The following MORN4 variants were observed in gnomAD, a reference collection of about 807,000 sequenced individuals.
The protein encoded by MORN4 is MORN repeat containing 4, also known as MORN repeat-containing protein 4.
Under a neutral mutation model 16.4 loss-of-function variants are expected in MORN4, and 8 were observed. That is an observed-to-expected ratio of 0.49 (90% CI 0.29 to 0.88). The LOEUF (loss-of-function observed/expected upper bound fraction) is 0.88. Among genes scored for constraint, MORN4 ranks in the 40% least tolerant of loss-of-function variants. The probability of loss-of-function intolerance (pLI) is 0.09; values close to 1 mark genes in which losing one functional copy is unlikely to be tolerated. For synonymous variants in MORN4, 53 were observed against 68.9 expected (o/e 0.77, Z 1.14); for missense variants, 159 against 182.9 (o/e 0.87, Z 0.75).
chr10:97,633,543 G>A (rs1228260470), upstream of MORN4: 1 of 1,289,736 alleles, frequency 7.8e-7, no homozygotes, highest in East Asian at 5.5e-5. This position sits in a 1 kb window ranked among gnomAD's most constrained non-coding sequence, Gnocchi z 4.5. Flanking sequence ...CTAGGCAACC[G>A]GGAGCAACGC....
At chr10:97,616,824 G>C (rs1436915764) in intron 3 of MORN4, 37 bp from the exon 4 acceptor site, 2 of 1,444,558 alleles carry the variant, frequency 1.4e-6, no homozygotes, top group African/African-American at 1.4e-5. Context: ...TCAGTGGAAA[G>C]TTAGCTGTCC....
intron 3 of MORN4, among the ~76,000 whole-genome samples, 176 bp from the exon 4 acceptor site, chr10:97,616,963 A>G (rs2041241761): frequency 6.6e-6 from 1 of 152,196 alleles, no homozygotes; most frequent in African/African-American, 2.4e-5. Flanking sequence ...ATATGACATG[A>G]AGCCCTGATC....
At position 97,615,011 on chromosome 10, in the gene MORN4, T is replaced by C. The variant is rs1265618485; in HGVS notation, c.*1252A>G. 6.6e-6 allele frequency: 1 copy of C among 152,612 alleles called. No homozygotes were observed. Among genetic ancestry groups the C allele is most frequent in the Non-Finnish European group, 1.5e-5 (1 of 68,038 alleles). 9.5% of individuals were successfully genotyped at this position (152,612 alleles called of 1,614,324 possible). On this transcript the variant is annotated 3_prime_UTR_variant, in exon 5 of 5. Transcript: ENST00000307450. ...ATTCTACCCTTTTCCCTGGAGTTAGTCACAAATACAAGTAATAAGATTACT... is the reference window on the plus strand; with the variant it reads ...ATTCTACCCTTTTCCCTGGAGTTAGCCACAAATACAAGTAATAAGATTACT...
In MORN4 at chr10:97,616,162, C is replaced by A; in HGVS notation, c.*101G>T. 1 of 1,279,224 alleles carries A rather than the reference C, an allele frequency of 7.8e-7. No individual in the cohort carries two copies. The highest frequency in any genetic ancestry group is 1.6e-5 in the South Asian group (1 of 61,272). 79.2% of individuals were successfully genotyped at this position (1,279,224 alleles called of 1,614,324 possible). A position where few individuals can be genotyped will look rare whatever the true frequency, so the allele number is the denominator to read the frequency against. On this transcript the variant is annotated 3_prime_UTR_variant, in exon 5 of 5. Coordinates refer to ENST00000307450, the MANE Select transcript of MORN4 (RefSeq NM_178832.4). ...ACATACAAGGCCTCTGCTCCACTGTCATTGTCAACTCATCTCAGCTCTGAT... is the reference window on the plus strand; with the variant it reads ...ACATACAAGGCCTCTGCTCCACTGTAATTGTCAACTCATCTCAGCTCTGAT...
intron 4 of MORN4, 61 bp downstream of exon 4, chr10:97,616,617 G>A: frequency 1.4e-6 from 2 of 1,395,448 alleles, no homozygotes; most frequent in Non-Finnish European, 2.0e-6. Flanking sequence ...AAACTAAACA[G>A]GTATATTTCC....
chr10:97,617,241 C>T lies in MORN4; in HGVS notation c.149G>A (p.Gly50Asp), dbSNP rs1554875859. The part of the protein sequence containing the change: ...LGHFENGLFN[G>D]FGVLTFSDGS... ...ATCTGAGAAGGTCAATACCCCAAAG[C>T]CATTAAAGAGCCCATTCTCAAAATG... Residue 50 changes from glycine (G) to aspartate (D), a missense_variant, in exon 3 of 5, where the codon GGC becomes GAC. Coordinates refer to ENST00000307450, the MANE Select transcript of MORN4 (RefSeq NM_178832.4). 1 of 1,614,130 alleles carries T rather than the reference C, an allele frequency of 6.2e-7. No individual in the cohort carries two copies. The highest frequency in any genetic ancestry group is 8.5e-7 in the Non-Finnish European group (1 of 1,180,002).
chr10:97,616,072 G>T lies in MORN4; in HGVS notation c.*191C>A. 1 of 495,824 alleles carries T rather than the reference G, an allele frequency of 2.0e-6. No individual in the cohort carries two copies. Among genetic ancestry groups the T allele is most frequent in the Non-Finnish European group, 3.4e-6 (1 of 290,098 alleles). The allele number at this position is 495,824 out of a possible 1,614,324, so 30.7% of individuals were successfully genotyped here. Reference sequence around the variant, plus strand: ...ACAGAACCACCAATGACTGCTGCAGGGTCTGCTGGCCAGCATCCTCAGCAC... The same window carrying T: ...ACAGAACCACCAATGACTGCTGCAGTGTCTGCTGGCCAGCATCCTCAGCAC... On this transcript the variant is annotated 3_prime_UTR_variant, in exon 5 of 5. Transcript: ENST00000307450.
At position 97,614,658 on chromosome 10, in the gene MORN4, G is replaced by A. The variant is rs1271199664; in HGVS notation, c.*1605C>T. On this transcript the variant is annotated 3_prime_UTR_variant, in exon 5 of 5. Coordinates refer to ENST00000307450, the MANE Select transcript of MORN4 (RefSeq NM_178832.4). ...GCTATAACTTCCACCACAATCTGCTGTTGAAGAGACATTCAATGTGAGGCT... is the reference window on the plus strand; with the variant it reads ...GCTATAACTTCCACCACAATCTGCTATTGAAGAGACATTCAATGTGAGGCT... 6.6e-6 allele frequency: 1 copy of A among 152,656 alleles called. No homozygotes were observed. Among genetic ancestry groups the A allele is most frequent in the East Asian group, 1.9e-4 (1 of 5,198 alleles). The allele number at this position is 152,656 out of a possible 1,614,324, so 9.5% of individuals were successfully genotyped here.
chr10:97,623,321 T>C (rs575001125), intron 1 of MORN4, among the ~76,000 whole-genome samples: 4 of 152,326 alleles, frequency 2.6e-5, no homozygotes, highest in Non-Finnish European at 5.9e-5. Flanking sequence ...GGCTCATGCC[T>C]GTAATTCCAG....
At chr10:97,629,588 A>G (rs184017077) in intron 1 of MORN4, among the ~76,000 whole-genome samples, 5 of 152,160 alleles carry the variant, frequency 3.3e-5, no homozygotes, top group African/African-American at 1.2e-4. Flanking sequence ...GAATCATCCT[A>G]TCCCACGTAC....
chr10:97,618,135 G>C (rs1310810402), intron 2 of MORN4, among the ~76,000 whole-genome samples: 1 of 152,012 alleles, frequency 6.6e-6, no homozygotes, highest in Non-Finnish European at 1.5e-5. Flanking sequence ...CCGAGATCAT[G>C]CCATTGCACT....
At chr10:97,632,212 CT>C (rs1162979185) in intron 1 of MORN4, among the ~76,000 whole-genome samples, 5,134 of 86,858 alleles carry the variant, frequency 0.059, 52 homozygotes, top group Non-Finnish European at 0.081. Context: ...TAATACTCCC[CT>C]TTTTTTTTTT....
chr10:97,618,841 C>T (rs188649080), intron 2 of MORN4, among the ~76,000 whole-genome samples: 4 of 150,626 alleles, frequency 2.7e-5, no homozygotes, highest in African/African-American at 4.9e-5. Context: ...TTGAGGACAC[C>T]GAGTCAGGCT....
At chr10:97,628,569 T>C (rs895961267) in intron 1 of MORN4, among the ~76,000 whole-genome samples, 4 of 151,798 alleles carry the variant, frequency 2.6e-5, no homozygotes, top group Admixed American at 1.3e-4. Context: ...AGTCTCACTG[T>C]GTCACACAGG....
At chr10:97,620,653 G>A (rs1388474067) in intron 1 of MORN4, among the ~76,000 whole-genome samples, 1 of 151,956 alleles carries the variant, frequency 6.6e-6, no homozygotes, top group Non-Finnish European at 1.5e-5. Flanking sequence ...TAGGAAATAA[G>A]CCTGTGTAGG....
At chr10:97,625,022 C>T (rs1347024705) in intron 1 of MORN4, among the ~76,000 whole-genome samples, 3 of 152,130 alleles carry the variant, frequency 2.0e-5, no homozygotes, top group African/African-American at 7.2e-5. Flanking sequence ...AATATATTAT[C>T]TAATTTCATC....
chr10:97,618,047 C>T (rs925710665), intron 2 of MORN4, among the ~76,000 whole-genome samples: 9 of 150,014 alleles, frequency 6.0e-5, no homozygotes, highest in Admixed American at 1.3e-4. Context: ...ATGGTGGTGG[C>T]GCGCTCCTGT....
chr10:97,621,043 C>T (rs1401429644), intron 1 of MORN4, among the ~76,000 whole-genome samples: 2 of 151,914 alleles, frequency 1.3e-5, no homozygotes, highest in Non-Finnish European at 2.9e-5. Flanking sequence ...ATTGCTTGAA[C>T]CCAGGAGGCA....
In MORN4 at chr10:97,617,055, T is replaced by C. The variant is rs144875620; in HGVS notation, c.182+153A>G. On this transcript the variant is annotated intron_variant, in intron 3 of 4. Transcript: ENST00000307450. ...TGACATTTCAAATTTTAGGTCCACT[T>C]AAAAAATAGCTAATAAAAGAACTAC... 1.1e-3 allele frequency among the ~76,000 whole-genome samples: 175 copies of C among 152,276 alleles called. 1 individual carries two copies. In the Middle Eastern group the frequency reaches 0.014, roughly 12 times the overall value.
Sources: allele counts gnomAD v4.1 joint callset (sites outside exome capture counted in the v4.1 genomes callset), GRCh38; gene constraint gnomAD v4.1.1; non-coding constraint Gnocchi (gnomAD v3.1); transcripts MANE v1.5; gene names NCBI Gene and HGNC (gene_info 2026-07-23, HGNC 2026-07-21).